IGSF10: variants seen among roughly 807,000 people sequenced by gnomAD.
IGSF10 encodes immunoglobulin superfamily member 10.
IGSF10 carries 126 observed loss-of-function variants against 128.2 expected under a neutral mutation model. The ratio of observed to expected loss-of-function variants is 0.98; its 90% CI spans 0.85 to 1.14. The LOEUF (loss-of-function observed/expected upper bound fraction) is 1.14, where lower values mean the gene tolerates loss of function less well. IGSF10 is among the 50% of genes most tolerant of loss of function. The pLI is 0.00. For synonymous variants in IGSF10, 1,185 were observed against 1,146.2 expected (o/e 1.03, Z -0.68); for missense variants, 3,295 against 3,149.8 (o/e 1.05, Z -1.10).
chr3:151,519,213 G>A, the IGSF10 span, among the ~76,000 whole-genome samples: 1 of 151,782 alleles, frequency 6.6e-6, no homozygotes, highest in African/African-American at 2.4e-5. Flanking sequence ...GGAGACTATG[G>A]CAACTTAATT....
chr3:151,455,583 T>C (rs1279215670), intron 4 of IGSF10, among the ~76,000 whole-genome samples: 1 of 152,242 alleles, frequency 6.6e-6, no homozygotes, highest in Non-Finnish European at 1.5e-5. Context: ...TATGGCATTG[T>C]GTCTGGCTTC....
At chr3:151,475,956 G>A in the IGSF10 span, 1 of 153,674 alleles carries the variant, frequency 6.5e-6, no homozygotes, top group Middle Eastern at 3.2e-3. Context: ...TGTTCATATG[G>A]AATGTCCATA....
At chr3:151,610,212 AC>A in the IGSF10 span, among the ~76,000 whole-genome samples, 1 of 152,140 alleles carries the variant, frequency 6.6e-6, no homozygotes, top group Non-Finnish European at 1.5e-5. Context: ...AACTGATAGG[AC>A]TTGCTACATA....
At chr3:151,512,840 A>G in the IGSF10 span, among the ~76,000 whole-genome samples, 1 of 152,250 alleles carries the variant, frequency 6.6e-6, no homozygotes, top group Non-Finnish European at 1.5e-5. Context: ...AAACACCTCT[A>G]TGCAAATAAA....
chr3:151,466,516 TG>T, the IGSF10 span, among the ~76,000 whole-genome samples: 1 of 152,224 alleles, frequency 6.6e-6, no homozygotes, highest in Admixed American at 6.5e-5. Context: ...CTCCACCTTC[TG>T]GAACTCCAGC....
chr3:151,568,220 A>C, the IGSF10 span, among the ~76,000 whole-genome samples: 1 of 152,146 alleles, frequency 6.6e-6, no homozygotes, highest in East Asian at 1.9e-4. Context: ...TATTATAATA[A>C]ATTATCCTTA....
chr3:151,511,320 TAAAGA>T, the IGSF10 span, among the ~76,000 whole-genome samples: 3 of 152,138 alleles, frequency 2.0e-5, no homozygotes, highest in East Asian at 5.8e-4. Context: ...TCAACATTCT[TAAAGA>T]AAAGAATTTC....
chr3:151,535,339 T>C, the IGSF10 span, among the ~76,000 whole-genome samples: 2 of 152,326 alleles, frequency 1.3e-5, no homozygotes, highest in African/African-American at 4.8e-5. Flanking sequence ...GCTATTATCC[T>C]AGGCGAATTA....
At chr3:151,576,949 T>A in the IGSF10 span, among the ~76,000 whole-genome samples, 7 of 152,146 alleles carry the variant, frequency 4.6e-5, no homozygotes, top group Admixed American at 4.6e-4. Flanking sequence ...AAGCCCCTTT[T>A]TTCCTTTACT....
At chr3:151,609,136 T>C in the IGSF10 span, among the ~76,000 whole-genome samples, 1 of 152,088 alleles carries the variant, frequency 6.6e-6, no homozygotes, top group South Asian at 2.1e-4. Context: ...GCCAGCCATG[T>C]AATACATGGG....
At position 151,450,629 on chromosome 3, in the gene IGSF10, G is replaced by A. The variant is rs182316691; in HGVS notation, c.716-1364C>T. Among the ~76,000 whole-genome samples, 195 of 152,078 alleles carry A rather than the reference G, an allele frequency of 1.3e-3. 1 individual carries two copies. The East Asian group carries it at 0.02, about 16-fold the overall frequency. Reference sequence around the variant, plus strand: ...AGTTGCCTCCTGGCTGGCCGCAATCGCTCACGCCTGTAACCTCAGCACTTT... The same window carrying A: ...AGTTGCCTCCTGGCTGGCCGCAATCACTCACGCCTGTAACCTCAGCACTTT... On this transcript the variant is annotated intron_variant, in intron 5 of 7. Transcript: ENST00000282466.
chr3:151,458,133 G>GTA, intron 3 of IGSF10, among the ~76,000 whole-genome samples: 1 of 150,644 alleles, frequency 6.6e-6, no homozygotes, highest in South Asian at 2.1e-4. Context: ...ATGTATGTAT[G>GTA]TGTGTGTGTG....
chr3:151,597,599 C>A, the IGSF10 span, among the ~76,000 whole-genome samples: 5 of 152,110 alleles, frequency 3.3e-5, no homozygotes, highest in Non-Finnish European at 7.4e-5. Flanking sequence ...AGGGAAATAC[C>A]CTGGCATGCT....
chr3:151,521,971 A>C, the IGSF10 span, among the ~76,000 whole-genome samples: 4 of 151,982 alleles, frequency 2.6e-5, no homozygotes, highest in Non-Finnish European at 4.4e-5. Flanking sequence ...CTACTAAGAA[A>C]AAAGAGAAAA....
At chr3:151,458,147 G>T (rs919947072) in intron 3 of IGSF10, among the ~76,000 whole-genome samples, 3 of 151,928 alleles carry the variant, frequency 2.0e-5, no homozygotes, top group Non-Finnish European at 2.9e-5. Context: ...GTGTGTGTGT[G>T]TATTATATAG....
chr3:151,550,792 A>G, the IGSF10 span, among the ~76,000 whole-genome samples: 1 of 152,034 alleles, frequency 6.6e-6, no homozygotes, highest in Non-Finnish European at 1.5e-5. Context: ...TGTACCCTGG[A>G]GTTGATCCTA....
At chr3:151,530,077 T>C in the IGSF10 span, among the ~76,000 whole-genome samples, 1 of 151,404 alleles carries the variant, frequency 6.6e-6, no homozygotes, top group Non-Finnish European at 1.5e-5. Flanking sequence ...CAAGTATCAA[T>C]AGCCGAATTG....
the IGSF10 span, among the ~76,000 whole-genome samples, chr3:151,488,827 G>A: frequency 2.6e-5 from 4 of 152,110 alleles, no homozygotes; most frequent in African/African-American, 9.7e-5. Context: ...AGTAACTCAA[G>A]ATGTATTAAA....
At chr3:151,501,543 G>A in the IGSF10 span, among the ~76,000 whole-genome samples, 124,403 of 151,970 alleles carry the variant, frequency 0.82, 51,002 homozygotes, top group Middle Eastern at 0.93. Context: ...CCTTCTAAGT[G>A]TTAGAGTATT....
Sources: gnomAD v4.1 joint callset for allele counts (sites outside exome capture counted in the v4.1 genomes callset) on GRCh38, gnomAD v4.1.1 for gene constraint, MANE v1.5 for transcripts, NCBI Gene and HGNC (gene_info 2026-07-23, HGNC 2026-07-21) for gene names.